CLSTN2: variants seen among roughly 807,000 people sequenced by gnomAD.
CLSTN2 encodes calsyntenin-2.
A neutral mutation model predicts 101.2 loss-of-function variants in CLSTN2; 48 were observed. The observed-to-expected ratio is 0.47, with a 90% confidence interval of 0.38 to 0.60. The LOEUF is 0.60. CLSTN2 is among the 20% of genes least tolerant of loss of function. The probability of loss-of-function intolerance (pLI) is 0.00; values close to 1 mark genes in which losing one functional copy is unlikely to be tolerated. For missense variants in CLSTN2, 1,160 were observed against 1,238.2 expected, an observed-to-expected ratio of 0.94 and a Z score of 0.95; for synonymous variants, 481 against 463.6, an observed-to-expected ratio of 1.04 and a Z score of -0.48.
chr3:140,027,609 A>T (rs937489867), intron 1 of CLSTN2, among the ~76,000 whole-genome samples: 1 of 152,098 alleles, frequency 6.6e-6, no homozygotes, highest in African/African-American at 2.4e-5. Flanking sequence ...CATGATTCTC[A>T]TTCCCCATCC....
intron 2 of CLSTN2, among the ~76,000 whole-genome samples, chr3:140,310,300 A>T (rs1003781526): frequency 2.0e-5 from 3 of 151,966 alleles, no homozygotes; most frequent in Admixed American, 6.6e-5. Flanking sequence ...CCCGCCCTGA[A>T]GTTTGGCTGG....
rs191087135 is a variant in CLSTN2, at chr3:140,156,817, G to A, written c.110-19134G>A. Among the ~76,000 whole-genome samples, 290 of 152,162 alleles carry A rather than the reference G, an allele frequency of 1.9e-3. 1 individual carries two copies. The highest frequency in any genetic ancestry group is 4.9e-3 in the African/African-American group (204 of 41,496). ...CCACTGGGGTTATGTCTGCATCAAG[G>A]TCTGACCTCTTCAGACGTTTCTGGC... On this transcript the variant is annotated intron_variant, in intron 1 of 16. Coordinates refer to ENST00000458420, the MANE Select transcript of CLSTN2 (RefSeq NM_022131.3).
intron 2 of CLSTN2, among the ~76,000 whole-genome samples, chr3:140,242,416 C>G (rs1559816934): frequency 6.6e-6 from 1 of 152,134 alleles, no homozygotes; most frequent in Non-Finnish European, 1.5e-5. Flanking sequence ...GGCCCTAAGT[C>G]TTCCATGGAC....
At chr3:140,360,021 C>T (rs2087710829) in intron 2 of CLSTN2, among the ~76,000 whole-genome samples, 1 of 131,228 alleles carries the variant, frequency 7.6e-6, no homozygotes, top group African/African-American at 2.6e-5. Context: ...CACACACACA[C>T]ACACACATAT....
At chr3:140,060,659 C>T (rs937270948) in intron 1 of CLSTN2, among the ~76,000 whole-genome samples, 2 of 152,118 alleles carry the variant, frequency 1.3e-5, no homozygotes, top group Non-Finnish European at 2.9e-5. Context: ...TTAGAGCCAG[C>T]CCTGTAATGT....
intron 2 of CLSTN2, among the ~76,000 whole-genome samples, chr3:140,292,660 A>G (rs2086966337): frequency 6.6e-6 from 1 of 152,200 alleles, no homozygotes; most frequent in Admixed American, 6.5e-5. Flanking sequence ...TCACCTTGCA[A>G]CCTTTATTAA....
intron 8 of CLSTN2, among the ~76,000 whole-genome samples, chr3:140,470,121 A>G (rs1013641370): frequency 3.9e-5 from 6 of 152,206 alleles, no homozygotes; most frequent in Admixed American, 1.3e-4. Context: ...GAATTTCAGC[A>G]TTTTATCTGT....
intron 1 of CLSTN2, among the ~76,000 whole-genome samples, chr3:139,958,448 G>A (rs903428994): frequency 2.0e-5 from 3 of 152,064 alleles, no homozygotes; most frequent in African/African-American, 7.2e-5. Context: ...TTCTTTTGAG[G>A]CACACCATGC....
chr3:140,166,013 T>C (rs1272494989), intron 1 of CLSTN2, among the ~76,000 whole-genome samples: 2 of 152,092 alleles, frequency 1.3e-5, no homozygotes, highest in Non-Finnish European at 2.9e-5. Flanking sequence ...CCTACAGCCA[T>C]CTGGGGTCCA....
chr3:140,150,802 A>G (rs967557239), intron 1 of CLSTN2, among the ~76,000 whole-genome samples: 11 of 152,008 alleles, frequency 7.2e-5, no homozygotes, highest in Non-Finnish European at 1.5e-4. Flanking sequence ...GATCCTGCAC[A>G]CCAAATTCTG....
intron 2 of CLSTN2, among the ~76,000 whole-genome samples, chr3:140,346,533 C>T (rs1271397415): frequency 6.6e-6 from 1 of 152,160 alleles, no homozygotes; most frequent in Non-Finnish European, 1.5e-5. Context: ...ATGCTTTAAA[C>T]AGAGTTGTTC....
chr3:140,471,303 A>T (rs1933841753), intron 8 of CLSTN2, among the ~76,000 whole-genome samples: 1 of 152,100 alleles, frequency 6.6e-6, no homozygotes, highest in South Asian at 2.1e-4. Context: ...CAATCTAATA[A>T]TCTTCCCTTT....
At chr3:140,159,589 T>C (rs557521268) in intron 1 of CLSTN2, among the ~76,000 whole-genome samples, 25 of 152,264 alleles carry the variant, frequency 1.6e-4, no homozygotes, top group African/African-American at 6.0e-4. Flanking sequence ...AATCAGCCAC[T>C]GTGAAAAGCA....
intron 2 of CLSTN2, among the ~76,000 whole-genome samples, chr3:140,340,651 G>A (rs2087483213): frequency 1.3e-5 from 2 of 152,100 alleles, no homozygotes; most frequent in African/African-American, 2.4e-5. Context: ...TACTGATGTG[G>A]TACATTCGAT....
At chr3:140,421,075 A>G in intron 4 of CLSTN2, 50 bp from the exon 5 acceptor site, 1 of 1,584,576 alleles carries the variant, frequency 6.3e-7, no homozygotes, top group East Asian at 2.2e-5. Flanking sequence ...GGAGAAGTAC[A>G]AGTGCAGTTA....
chr3:139,935,321 G>T lies in CLSTN2; in HGVS notation c.-54G>T. Reference sequence around the variant, plus strand: ...CGGTGCGGCAGGCACCGGGAGGCGAGAGCCGGCGCGGACAGTAGGCGGCGG... The same window carrying T: ...CGGTGCGGCAGGCACCGGGAGGCGATAGCCGGCGCGGACAGTAGGCGGCGG... On this transcript the variant is annotated 5_prime_UTR_variant, in exon 1 of 17. Transcript: ENST00000458420. This position sits in a 1 kb window ranked among gnomAD's most constrained non-coding sequence, Gnocchi z 5.5. 9.9e-7 allele frequency: 1 copy of T among 1,009,860 alleles called. No homozygotes were observed. The highest frequency in any genetic ancestry group is 5.0e-5 in the South Asian group (1 of 20,016). The allele number at this position is 1,009,860 out of a possible 1,614,324, so 62.6% of individuals were successfully genotyped here. A position where few individuals can be genotyped will look rare whatever the true frequency, so the allele number is the denominator to read the frequency against.
chr3:140,227,070 A>G (rs1303998608), intron 2 of CLSTN2, among the ~76,000 whole-genome samples: 1 of 152,166 alleles, frequency 6.6e-6, no homozygotes, highest in Non-Finnish European at 1.5e-5. Context: ...AAAACCAATC[A>G]TGCCTTCCCA....
intron 2 of CLSTN2, among the ~76,000 whole-genome samples, chr3:140,395,615 T>C (rs946966500): frequency 2.0e-5 from 3 of 152,356 alleles, no homozygotes; most frequent in African/African-American, 7.2e-5. Context: ...TTGAAGATTT[T>C]AAGTGTTTCA....
At position 140,205,618 on chromosome 3, in the gene CLSTN2, G is replaced by GC. The variant is rs200923291; in HGVS notation, c.232+29551dup. 7.9e-3 allele frequency among the ~76,000 whole-genome samples: 531 copies of GC among 67,198 alleles called. 28 individuals carry two copies. Among genetic ancestry groups the GC allele is most frequent in the African/African-American group, 0.024 (496 of 20,464 alleles). 44.1% of individuals were successfully genotyped at this position (67,198 alleles called of 152,430 possible). ...TACAGTTGTTGTTTGGACCTGACCCGCCCCCCACCCACACACACACACAGC... is the reference window on the plus strand; with the variant it reads ...TACAGTTGTTGTTTGGACCTGACCCGCCCCCCCACCCACACACACACACAGC... On this transcript the variant is annotated intron_variant, in intron 2 of 16. Transcript: ENST00000458420.
Sources: gnomAD v4.1 joint callset for allele counts (sites outside exome capture counted in the v4.1 genomes callset) on GRCh38, gnomAD v4.1.1 for gene constraint, Gnocchi (gnomAD v3.1) non-coding constraint, MANE v1.5 for transcripts, NCBI Gene and HGNC (gene_info 2026-07-23, HGNC 2026-07-21) for gene names.